The following ORC5 variants were observed in gnomAD, a reference collection of about 807,000 sequenced individuals.
The protein encoded by ORC5 is origin recognition complex subunit 5.
A neutral mutation model predicts 58.8 loss-of-function variants in ORC5; 39 were observed. The ratio of observed to expected loss-of-function variants is 0.66; its 90% CI spans 0.51 to 0.87. The LOEUF is 0.87. Among genes scored for constraint, ORC5 ranks in the 40% least tolerant of loss-of-function variants. ORC5 has a pLI of 0.00. For synonymous variants in ORC5, 218 were observed against 177.6 expected, an observed-to-expected ratio of 1.23 and a Z score of -1.81; for missense variants, 493 against 506.3, an observed-to-expected ratio of 0.97 and a Z score of 0.25.
Position 104,195,252 on chromosome 7 carries a change from A to G in ORC5, c.444T>C (p.Ala148=), listed in dbSNP as rs756752805. ...LPGFLRLQEL[A]DRNVTVLFLS... is the part of the protein sequence containing the mutation. ...GAAAGAGAACAGTCACATTTCTGTC[A>G]GCCTGTAAAAAGAAAGAAATAAAAG... The change falls in exon 5 of 14, where the codon GCT becomes GCC. Residue 148 remains alanine, a splice_region_variant and synonymous_variant. Transcript: ENST00000297431. 13 of 1,513,410 alleles carry G rather than the reference A, an allele frequency of 8.6e-6. No individual in the cohort carries two copies. The highest frequency in any genetic ancestry group is 1.3e-5 in the South Asian group (1 of 78,388). The allele number at this position is 1,513,410 out of a possible 1,614,324, so 93.7% of individuals were successfully genotyped here.
At position 104,200,757 on chromosome 7, in the gene ORC5, C is replaced by T. The variant is rs1799919184; in HGVS notation, c.366+1G>A. 1.3e-6 allele frequency: 2 copies of T among 1,534,784 alleles called. No individual in the cohort carries two copies. The highest frequency in any genetic ancestry group is 1.8e-6 in the Non-Finnish European group (2 of 1,110,418). ...TGATCTAATCAAATGAAATTACTTA[C>T]AATATATACAGTCTGATCTTTAAGA... On this transcript the variant is annotated splice_donor_variant, in intron 3 of 13. Coordinates refer to ENST00000297431, the MANE Select transcript of ORC5 (RefSeq NM_002553.4). LOFTEE classifies it high-confidence loss of function.
intron 9 of ORC5, 123 bp downstream of exon 9, chr7:104,168,350 G>A: frequency 1.4e-6 from 2 of 1,428,374 alleles, no homozygotes; most frequent in Non-Finnish European, 1.9e-6. Flanking sequence ...ATTATAGCTT[G>A]AAAAGTAAAT....
At position 104,195,846 on chromosome 7, in the gene ORC5, AAAG is replaced by A. The variant is rs1185168345; in HGVS notation, c.442-595_442-593del. ...CAGTTTAAATATATTGAGAGGCTTA[AAAG>A]AAGAAGATATTTATTGGGCAGAAAG... On this transcript the variant is annotated intron_variant, in intron 4 of 13. Coordinates refer to ENST00000297431, the MANE Select transcript of ORC5 (RefSeq NM_002553.4). Among the ~76,000 whole-genome samples, 6 of 152,360 alleles carry A rather than the reference AAAG, an allele frequency of 3.9e-5. No homozygotes were observed. The East Asian group carries it at 9.6e-4, about 24-fold the overall frequency.
chr7:104,150,010 ATTAT>A (rs1231023323), intron 12 of ORC5, among the ~76,000 whole-genome samples: 5 of 152,056 alleles, frequency 3.3e-5, no homozygotes, highest in African/African-American at 1.2e-4. Context: ...GGATGAGCTG[ATTAT>A]TTATGTTGTA....
chr7:104,207,803 A>G (rs1192150547), intron 1 of ORC5, 30 bp downstream of exon 1: 1 of 1,597,422 alleles, frequency 6.3e-7, no homozygotes. Context: ...GTCTGCCTCC[A>G]GGATCTGGAA....
intron 13 of ORC5, among the ~76,000 whole-genome samples, chr7:104,135,675 TG>T (rs1798576884): frequency 6.6e-6 from 1 of 152,186 alleles, no homozygotes; most frequent in South Asian, 2.1e-4. Context: ...TGCCAACCTA[TG>T]GACTTCAGAA....
At chr7:104,144,743 C>T (rs550566892) in intron 12 of ORC5, among the ~76,000 whole-genome samples, 2 of 152,250 alleles carry the variant, frequency 1.3e-5, no homozygotes, top group East Asian at 3.9e-4. Flanking sequence ...GGCAACAGAA[C>T]GAGACACCGT....
chr7:104,188,160 GAAA>G, intron 6 of ORC5, 88 bp downstream of exon 6: 1 of 1,029,932 alleles, frequency 9.7e-7, no homozygotes, highest in Non-Finnish European at 1.3e-6. Flanking sequence ...TTTCTACATG[GAAA>G]ACATTAAAAT....
At chr7:104,178,544 T>C (rs1442622237) in intron 8 of ORC5, among the ~76,000 whole-genome samples, 2 of 152,182 alleles carry the variant, frequency 1.3e-5, no homozygotes, top group African/African-American at 4.8e-5. Flanking sequence ...TCCTTTGCTG[T>C]GTAGAAGCTC....
intron 12 of ORC5, among the ~76,000 whole-genome samples, chr7:104,137,347 T>C (rs1798606744): frequency 6.6e-6 from 1 of 151,774 alleles, no homozygotes; most frequent in African/African-American, 2.4e-5. Context: ...CCTGAACTCC[T>C]CGCTTTGTGA....
chr7:104,193,684 T>A (rs2116041993), intron 5 of ORC5, among the ~76,000 whole-genome samples: 1 of 150,786 alleles, frequency 6.6e-6, no homozygotes, highest in East Asian at 1.9e-4. Flanking sequence ...ATTCCCCTTC[T>A]GAATGGCTTT....
At chr7:104,143,271 ATTCT>A (rs1386464593) in intron 12 of ORC5, among the ~76,000 whole-genome samples, 1 of 152,128 alleles carries the variant, frequency 6.6e-6, no homozygotes, top group Non-Finnish European at 1.5e-5. Flanking sequence ...ACATATTTAG[ATTCT>A]TTAATCGAAA....
chr7:104,183,202 T>G (rs1394841712), intron 8 of ORC5, among the ~76,000 whole-genome samples: 1 of 151,862 alleles, frequency 6.6e-6, no homozygotes, highest in Non-Finnish European at 1.5e-5. Flanking sequence ...TTTGCAATGA[T>G]AGCCAACACC....
intron 6 of ORC5, chr7:104,187,571 A>T: frequency 5.6e-6 from 1 of 179,354 alleles, no homozygotes; most frequent in Non-Finnish European, 1.1e-5. Flanking sequence ...ATAAGATCTT[A>T]ATTAATTGAA....
At chr7:104,187,025 T>G (rs10487191) in intron 6 of ORC5, among the ~76,000 whole-genome samples, 20,689 of 152,196 alleles carry the variant, frequency 0.14, 1,747 homozygotes, top group South Asian at 0.22. Flanking sequence ...CTTCTTGTAC[T>G]TTATAATCTA....
At chr7:104,186,287 T>C (rs1009233879) in intron 6 of ORC5, among the ~76,000 whole-genome samples, 13 of 151,746 alleles carry the variant, frequency 8.6e-5, no homozygotes, top group African/African-American at 3.2e-4. Flanking sequence ...AACCCATGTA[T>C]ATGGAGGGCT....
At chr7:104,187,121 G>A (rs1005879703) in intron 6 of ORC5, among the ~76,000 whole-genome samples, 2 of 152,130 alleles carry the variant, frequency 1.3e-5, no homozygotes, top group African/African-American at 4.8e-5. Context: ...GAAAGACCGA[G>A]GAGGATTATC....
At chr7:104,202,262 A>G (rs1799963745) in intron 2 of ORC5, 3 of 198,670 alleles carry the variant, frequency 1.5e-5, no homozygotes, top group African/African-American at 7.0e-5. Context: ...AACTTGTGGC[A>G]CTTGGCACAA....
chr7:104,163,792 G>A (rs1323942226), intron 11 of ORC5, among the ~76,000 whole-genome samples: 1 of 152,150 alleles, frequency 6.6e-6, no homozygotes, highest in African/African-American at 2.4e-5. Flanking sequence ...CGCCCAGCCG[G>A]GATTTGCTTT....
Sources: gnomAD v4.1 joint callset for allele counts (sites outside exome capture counted in the v4.1 genomes callset) on GRCh38, gnomAD v4.1.1 for gene constraint, MANE v1.5 for transcripts, NCBI Gene and HGNC (gene_info 2026-07-23, HGNC 2026-07-21) for gene names.